MYO3A: variants seen among roughly 807,000 people sequenced by gnomAD.
MYO3A encodes the protein myosin IIIA.
MYO3A carries 180 observed loss-of-function variants against 192.7 expected under a neutral mutation model. The observed-to-expected ratio is 0.93, with a 90% CI of 0.83 to 1.06. MYO3A has a LOEUF of 1.06. Among genes scored for constraint, MYO3A ranks in the 50% least tolerant of loss-of-function variants. The probability of loss-of-function intolerance (pLI) is 0.00; values close to 1 mark genes in which losing one functional copy is unlikely to be tolerated. For missense variants in MYO3A, 1,896 were observed against 1,905.0 expected, an observed-to-expected ratio of 1.00 and a Z score of 0.09; for synonymous variants, 628 against 645.3, an observed-to-expected ratio of 0.97 and a Z score of 0.41.
chr10:25,991,845 A>G (rs544201881), intron 4 of MYO3A, among the ~76,000 whole-genome samples: 2 of 152,126 alleles, frequency 1.3e-5, no homozygotes, highest in East Asian at 3.9e-4. Context: ...ATTATTTCTG[A>G]GGGCTCTGTT....
chr10:25,994,859 G>T (rs1211574901), intron 4 of MYO3A, among the ~76,000 whole-genome samples: 1 of 152,170 alleles, frequency 6.6e-6, no homozygotes, highest in Non-Finnish European at 1.5e-5. Flanking sequence ...CTGGCTTGTA[G>T]AGTTTCTGCC....
chr10:26,159,764 G>T (rs1057103016), intron 26 of MYO3A, among the ~76,000 whole-genome samples: 10 of 152,232 alleles, frequency 6.6e-5, no homozygotes, highest in African/African-American at 2.4e-4. Flanking sequence ...TCATGATGGA[G>T]ATCAAAATTA....
Position 26,170,923 on chromosome 10 carries a change from T to C in MYO3A, c.3398+384T>C, listed in dbSNP as rs200940848. On this transcript the variant is annotated intron_variant, in intron 29 of 34. Coordinates refer to ENST00000642920, the MANE Select transcript of MYO3A (RefSeq NM_017433.5). ...CTATGTCATAATCACCAGCTGCTCT[T>C]TCTTCTTGTGAGCCCTCATGTCTGT... Among the ~76,000 whole-genome samples, 19 of 152,326 alleles carry C rather than the reference T, an allele frequency of 1.2e-4. No individual in the cohort carries two copies. The East Asian group carries it at 3.3e-3, about 26-fold the overall frequency.
chr10:26,114,489 A>G (rs115007323), intron 17 of MYO3A, among the ~76,000 whole-genome samples: 2,067 of 152,322 alleles, frequency 0.014, 58 homozygotes, highest in African/African-American at 0.047. Context: ...TGGAAAAAAA[A>G]CAACTTGGCT....
At chr10:26,068,281 C>G (rs1413222340) in intron 11 of MYO3A, among the ~76,000 whole-genome samples, 1 of 152,038 alleles carries the variant, frequency 6.6e-6, no homozygotes. Context: ...ACTCAAATGA[C>G]TTATCAACTA....
intron 4 of MYO3A, 61 bp downstream of exon 4, chr10:25,955,069 GT>G: frequency 6.3e-7 from 1 of 1,575,064 alleles, no homozygotes; most frequent in Non-Finnish European, 8.7e-7. Flanking sequence ...GAAATGACTT[GT>G]TATACTATTT....
intron 6 of MYO3A, 74 bp downstream of exon 6, chr10:25,997,332 T>G: frequency 2.1e-5 from 23 of 1,075,680 alleles, no homozygotes; most frequent in Non-Finnish European, 2.6e-5. Context: ...CTTTTTCGAA[T>G]GGCCTTCCTT....
At chr10:26,145,939 T>C (rs1422792683) in intron 22 of MYO3A, among the ~76,000 whole-genome samples, 1 of 152,218 alleles carries the variant, frequency 6.6e-6, no homozygotes, top group Non-Finnish European at 1.5e-5. Context: ...TTTGTTTCCT[T>C]CTTGTAGCAA....
intron 17 of MYO3A, among the ~76,000 whole-genome samples, chr10:26,119,140 C>T (rs891185633): frequency 6.6e-6 from 1 of 152,154 alleles, no homozygotes; most frequent in Non-Finnish European, 1.5e-5. Flanking sequence ...CCTCAACTTC[C>T]TGATGGCCTC....
intron 4 of MYO3A, among the ~76,000 whole-genome samples, chr10:25,963,556 C>A (rs1838074804): frequency 6.6e-6 from 1 of 152,146 alleles, no homozygotes; most frequent in Non-Finnish European, 1.5e-5. Flanking sequence ...TCAGGAGAAA[C>A]AGGGCAGGAG....
Position 25,952,137 on chromosome 10 carries a change from C to T in MYO3A, c.27C>T (p.Ile9=). MFPLIGKT[I]IFDNFPDPSD... is the part of the protein sequence containing the mutation. ...TGTTTCCATTAATTGGAAAAACAAT[C>T]ATCTTTGATAACTTTCCTGATCCTT... is the stretch of plus-strand genomic sequence containing the variant. The change falls in exon 3 of 35, where the codon ATC becomes ATT. Residue 9 remains isoleucine, a synonymous_variant. Transcript: ENST00000642920. The T allele has an allele frequency of 6.2e-7, 1 of 1,611,928 alleles. No homozygotes were observed. The highest frequency in any genetic ancestry group is 1.3e-5 in the African/African-American group (1 of 74,946).
intron 2 of MYO3A, among the ~76,000 whole-genome samples, chr10:25,950,664 G>A (rs186607213): frequency 4.9e-4 from 74 of 152,222 alleles, no homozygotes; most frequent in African/African-American, 1.7e-3. Flanking sequence ...TAGGGCCTTT[G>A]TAAAGACGTC....
At chr10:26,102,663 CCCCTCCAGA>C (rs1437822818) in intron 17 of MYO3A, among the ~76,000 whole-genome samples, 3 of 152,182 alleles carry the variant, frequency 2.0e-5, no homozygotes, top group African/African-American at 7.2e-5. Flanking sequence ...TGCTGGAGGT[CCCCTCCAGA>C]CCCTGTTTGT....
intron 4 of MYO3A, among the ~76,000 whole-genome samples, chr10:25,978,983 G>T (rs1171925432): frequency 6.6e-6 from 1 of 152,098 alleles, no homozygotes; most frequent in Non-Finnish European, 1.5e-5. Flanking sequence ...ATGTTTGATT[G>T]TAATTTTTTT....
At chr10:26,008,665 A>G (rs1306109183) in intron 6 of MYO3A, among the ~76,000 whole-genome samples, 1 of 151,736 alleles carries the variant, frequency 6.6e-6, no homozygotes, top group Non-Finnish European at 1.5e-5. Context: ...ATGCAAATCA[A>G]AACCACAATC....
At chr10:26,158,765 C>A (rs1280688594) in intron 26 of MYO3A, among the ~76,000 whole-genome samples, 1 of 151,886 alleles carries the variant, frequency 6.6e-6, no homozygotes, top group Non-Finnish European at 1.5e-5. Flanking sequence ...AAGATGAAGT[C>A]TATTAAAATT....
At chr10:25,969,766 G>C (rs1245261797) in intron 4 of MYO3A, among the ~76,000 whole-genome samples, 3 of 152,052 alleles carry the variant, frequency 2.0e-5, no homozygotes, top group African/African-American at 7.2e-5. Context: ...CAATTTAAAG[G>C]CAGAAATTAT....
chr10:26,153,539 A>C (rs1210078024), intron 23 of MYO3A, among the ~76,000 whole-genome samples: 1 of 152,226 alleles, frequency 6.6e-6, no homozygotes, highest in African/African-American at 2.4e-5. Flanking sequence ...CATTTATCAC[A>C]CAAAAAAATA....
chr10:25,964,014 AT>A (rs1392946683), intron 4 of MYO3A, among the ~76,000 whole-genome samples: 2 of 152,154 alleles, frequency 1.3e-5, no homozygotes, highest in Non-Finnish European at 1.5e-5. Context: ...AAATTAATAG[AT>A]TTTTATTGTA....
Sources: allele counts gnomAD v4.1 joint callset (sites outside exome capture counted in the v4.1 genomes callset), GRCh38; gene constraint gnomAD v4.1.1; transcripts MANE v1.5; gene names NCBI Gene and HGNC (gene_info 2026-07-23, HGNC 2026-07-21).